Variants in NEGR1 observed in about 807,000 individuals in gnomAD.
The protein encoded by NEGR1 is neuronal growth regulator 1, also known as IgLON family member 4.
NEGR1 carries 10 observed loss-of-function variants against 40.9 expected under a neutral mutation model. The ratio of observed to expected loss-of-function variants is 0.24; its 90% confidence interval spans 0.15 to 0.42. The LOEUF (loss-of-function observed/expected upper bound fraction) is 0.42. Ranked by LOEUF, NEGR1 falls within the 10% of genes least tolerant of loss-of-function variation. NEGR1 has a pLI of 1.00. For synonymous variants in NEGR1, 185 were observed against 166.8 expected (o/e 1.11, Z -0.84); for missense variants, 352 against 438.9 (o/e 0.80, Z 1.77).
chr1:71,709,064 C>A (rs1384476343), intron 3 of NEGR1, among the ~76,000 whole-genome samples: 1 of 152,122 alleles, frequency 6.6e-6, no homozygotes, highest in African/African-American at 2.4e-5. Flanking sequence ...CATACAGGTG[C>A]ATGTGTCTTT....
At chr1:71,921,881 T>A (rs1402128023) in intron 2 of NEGR1, among the ~76,000 whole-genome samples, 1 of 151,782 alleles carries the variant, frequency 6.6e-6, no homozygotes, top group South Asian at 2.1e-4. Flanking sequence ...ATGTGCAGAT[T>A]TTTGACTGTG....
intron 6 of NEGR1, among the ~76,000 whole-genome samples, chr1:71,442,465 T>C (rs1199601166): frequency 1.3e-5 from 2 of 152,014 alleles, no homozygotes; most frequent in African/African-American, 4.8e-5. Flanking sequence ...AATACAAAAA[T>C]TAGCTGGGCG....
At chr1:71,933,942 G>T (rs554576254) in intron 2 of NEGR1, among the ~76,000 whole-genome samples, 50 of 152,102 alleles carry the variant, frequency 3.3e-4, no homozygotes, top group African/African-American at 1.2e-3. Context: ...CAGTTAATAA[G>T]TCTATAGATT....
At chr1:71,724,250 C>T (rs1203143419) in intron 3 of NEGR1, among the ~76,000 whole-genome samples, 1 of 152,088 alleles carries the variant, frequency 6.6e-6, no homozygotes, top group East Asian at 1.9e-4. Flanking sequence ...TTTAATCTAC[C>T]TTTAATTGCA....
intron 4 of NEGR1, among the ~76,000 whole-genome samples, chr1:71,673,652 C>T (rs914648226): frequency 6.6e-6 from 1 of 151,960 alleles, no homozygotes; most frequent in Non-Finnish European, 1.5e-5. Context: ...TTCAGAAATC[C>T]TCAAACAATT....
intron 2 of NEGR1, among the ~76,000 whole-genome samples, chr1:71,886,615 C>T (rs916668422): frequency 1.3e-5 from 2 of 152,096 alleles, no homozygotes; most frequent in African/African-American, 2.4e-5. Flanking sequence ...GCTTCTGAAA[C>T]AGTAATATAG....
chr1:71,565,865 T>C (rs944344263), intron 6 of NEGR1, among the ~76,000 whole-genome samples: 23 of 152,180 alleles, frequency 1.5e-4, no homozygotes, highest in African/African-American at 5.5e-4. Flanking sequence ...TTTTTTATTT[T>C]GAATAATTTG....
chr1:71,943,038 A>ATATATATGTATATATGTATATATG (rs1645984215), intron 1 of NEGR1, among the ~76,000 whole-genome samples: 1 of 130,236 alleles, frequency 7.7e-6, no homozygotes, highest in African/African-American at 2.8e-5. Context: ...ACACACATAC[A>ATATATATGTATATATGTATATATG]TATATATGTG....
chr1:71,976,272 G>T (rs918399709), intron 1 of NEGR1, among the ~76,000 whole-genome samples: 1 of 152,144 alleles, frequency 6.6e-6, no homozygotes, highest in Non-Finnish European at 1.5e-5. Flanking sequence ...ATACAGTTAA[G>T]AATTTCCATC....
intron 2 of NEGR1, among the ~76,000 whole-genome samples, chr1:71,863,817 A>C (rs1570443964): frequency 6.6e-6 from 1 of 152,268 alleles, no homozygotes; most frequent in Non-Finnish European, 1.5e-5. Flanking sequence ...CAACGTGTTG[A>C]TTATACATAA....
chr1:71,863,634 C>G (rs778715470), intron 2 of NEGR1, among the ~76,000 whole-genome samples: 1 of 152,094 alleles, frequency 6.6e-6, no homozygotes, highest in African/African-American at 2.4e-5. Context: ...TATGTGAATA[C>G]ACAAGTAATT....
At position 71,397,055 on chromosome 1, in the gene NEGR1, G is replaced by A. The variant is rs1646217047; in HGVS notation, c.*10391C>T. ...GGAACTTCCTAGAGACTTGTTGAATGGTTTTGACCAAAATGCTGATAATGA... is the reference window on the plus strand; with the variant it reads ...GGAACTTCCTAGAGACTTGTTGAATAGTTTTGACCAAAATGCTGATAATGA... On this transcript the variant is annotated 3_prime_UTR_variant, in exon 7 of 7. Transcript: ENST00000357731. The A allele has an allele frequency of 6.3e-6, 1 of 157,638 alleles. No individual in the cohort carries two copies. Among genetic ancestry groups the A allele is most frequent in the Non-Finnish European group, 1.4e-5 (1 of 72,602 alleles). 9.8% of individuals were successfully genotyped at this position (157,638 alleles called of 1,614,324 possible). A position where few individuals can be genotyped will look rare whatever the true frequency, so the allele number is the denominator to read the frequency against.
chr1:71,867,090 C>T (rs901177923), intron 2 of NEGR1, among the ~76,000 whole-genome samples: 6 of 152,198 alleles, frequency 3.9e-5, no homozygotes, highest in South Asian at 2.1e-4. Flanking sequence ...CTGTGGCTCA[C>T]GCCTGTAATC....
chr1:71,834,887 T>TCACACACACA lies in NEGR1; in HGVS notation c.410-58600_410-58591dup, dbSNP rs10524992. On this transcript the variant is annotated intron_variant, in intron 2 of 6. Coordinates refer to ENST00000357731, the MANE Select transcript of NEGR1 (RefSeq NM_173808.3). ...ACCGTCGTTTTAAGATTTTAGGAGA[T>TCACACACACA]CACACACACACACACACACACAGCA... Among the ~76,000 whole-genome samples the TCACACACACA allele has an allele frequency of 3.6e-4, 53 of 146,352 alleles. 1 individual carries two copies. The highest frequency in any genetic ancestry group is 9.6e-4 in the African/African-American group (38 of 39,678).
At chr1:71,839,187 A>G (rs1659148958) in intron 2 of NEGR1, among the ~76,000 whole-genome samples, 1 of 146,586 alleles carries the variant, frequency 6.8e-6, no homozygotes, top group African/African-American at 2.5e-5. Context: ...GCTGGCTGAA[A>G]AGAGACCAGA....
At chr1:71,679,686 C>T (rs182007907) in intron 4 of NEGR1, among the ~76,000 whole-genome samples, 1 of 152,006 alleles carries the variant, frequency 6.6e-6, no homozygotes, top group East Asian at 1.9e-4. Flanking sequence ...TTTATTTATT[C>T]TCCTTTTTAC....
At chr1:71,726,782 A>T (rs1370126258) in intron 3 of NEGR1, among the ~76,000 whole-genome samples, 1 of 152,064 alleles carries the variant, frequency 6.6e-6, no homozygotes, top group Non-Finnish European at 1.5e-5. Context: ...TCCCCATCCC[A>T]TGTTCAACTT....
chr1:72,194,213 C>T (rs1409756614), intron 1 of NEGR1, among the ~76,000 whole-genome samples: 1 of 151,662 alleles, frequency 6.6e-6, no homozygotes, highest in Non-Finnish European at 1.5e-5. Flanking sequence ...AACAGTGACC[C>T]TGATAATATA....
chr1:71,750,841 A>G (rs1433907665), intron 3 of NEGR1, among the ~76,000 whole-genome samples: 2 of 152,126 alleles, frequency 1.3e-5, no homozygotes, highest in African/African-American at 4.8e-5. Flanking sequence ...AAATGGTTTC[A>G]TCAAATCTCC....
Sources: gnomAD v4.1 joint callset for allele counts (sites outside exome capture counted in the v4.1 genomes callset) on GRCh38, gnomAD v4.1.1 for gene constraint, MANE v1.5 for transcripts, NCBI Gene and HGNC (gene_info 2026-07-23, HGNC 2026-07-21) for gene names.